The following HTR1F variants were observed in gnomAD, a reference collection of about 807,000 sequenced individuals.
The protein encoded by HTR1F is 5-hydroxytryptamine receptor 1F, also known as 5-hydroxytryptamine (serotonin) receptor 1F, G protein-coupled.
Under a neutral mutation model 24.0 loss-of-function variants are expected in HTR1F, and 17 were observed. The observed-to-expected ratio is 0.71, with a 90% confidence interval of 0.48 to 1.06. HTR1F has a LOEUF of 1.06. Among genes scored for constraint, HTR1F ranks in the 50% least tolerant of loss-of-function variants. HTR1F has a pLI of 0.00. For missense variants in HTR1F, 391 were observed against 427.8 expected (o/e 0.91, Z 0.76); for synonymous variants, 186 against 156.8 (o/e 1.19, Z -1.39).
chr3:87,835,119 G>A (rs1704656208), intron 2 of HTR1F, among the ~76,000 whole-genome samples: 2 of 151,974 alleles, frequency 1.3e-5, no homozygotes, highest in Non-Finnish European at 2.9e-5. Flanking sequence ...ATTGATTTTC[G>A]TTCTGGACCA....
intron 2 of HTR1F, among the ~76,000 whole-genome samples, chr3:87,838,583 A>G (rs1480064735): frequency 6.6e-6 from 1 of 151,940 alleles, no homozygotes; most frequent in African/African-American, 2.4e-5. Context: ...TTTTTCCTTG[A>G]TTGCTGTGAT....
At chr3:87,801,253 G>A (rs944041312) in intron 1 of HTR1F, among the ~76,000 whole-genome samples, 10 of 152,168 alleles carry the variant, frequency 6.6e-5, no homozygotes, top group African/African-American at 2.4e-4. Flanking sequence ...TTTAGCTTCA[G>A]TCTTTCCTTT....
chr3:87,922,704 G>A (rs143474598), intron 2 of HTR1F, among the ~76,000 whole-genome samples: 5 of 151,974 alleles, frequency 3.3e-5, no homozygotes, highest in East Asian at 1.9e-4. Flanking sequence ...TTTATATATA[G>A]GGAGAGATGG....
chr3:87,900,597 G>C (rs1443061484), intron 2 of HTR1F, among the ~76,000 whole-genome samples: 1 of 152,168 alleles, frequency 6.6e-6, no homozygotes, highest in South Asian at 2.1e-4. Context: ...ACATAAGCCT[G>C]GGTGCAAGAG....
chr3:87,952,890 C>A (rs189642862), intron 2 of HTR1F, among the ~76,000 whole-genome samples: 96 of 151,558 alleles, frequency 6.3e-4, no homozygotes, highest in African/African-American at 2.2e-3. Flanking sequence ...TTCAGCCATA[C>A]AAGGACACAT....
chr3:87,901,944 A>G (rs1031859221), intron 2 of HTR1F, among the ~76,000 whole-genome samples: 23 of 152,146 alleles, frequency 1.5e-4, no homozygotes, highest in African/African-American at 5.1e-4. Context: ...TAAAGATCTG[A>G]ATAAATGCAG....
Position 87,991,664 on chromosome 3 carries a change from T to G in HTR1F, c.915T>G (p.Cys305Trp), listed in dbSNP as rs1460095162. The change falls in exon 3 of 3, where the codon TGT becomes TGG. Residue 305 changes from cysteine (C) to tryptophan (W), a missense_variant. Coordinates refer to ENST00000319595, the MANE Select transcript of HTR1F (RefSeq NM_001322209.2). ...TAATCTTGGGTGCATTTGTAATATGTTGGCTTCCTTTTTTTGTAAAAGAAT... is the reference window on the plus strand; with the variant it reads ...TAATCTTGGGTGCATTTGTAATATGGTGGCTTCCTTTTTTTGTAAAAGAAT... ...LGLILGAFVI[C>W]WLPFFVKELV... 6.2e-7 allele frequency: 1 copy of G among 1,613,506 alleles called. No homozygotes were observed.
intron 2 of HTR1F, among the ~76,000 whole-genome samples, chr3:87,897,163 C>G (rs1706216029): frequency 6.6e-6 from 1 of 150,978 alleles, no homozygotes; most frequent in Admixed American, 6.6e-5. Context: ...AATGCTGGTG[C>G]CCATCAATGA....
chr3:87,920,557 A>T (rs572284405), intron 2 of HTR1F, among the ~76,000 whole-genome samples: 42 of 152,016 alleles, frequency 2.8e-4, no homozygotes, highest in Non-Finnish European at 4.7e-4. Context: ...GTAAAACAGT[A>T]AGGTAGCTTT....
rs564394511 is a variant in HTR1F, at chr3:87,847,940, A to G, written c.-43+25816A>G. ...ACATTTTAAATGCGTTTGTTCACTG[A>G]TGACACGTTGATTCCATATCTTTGC... On this transcript the variant is annotated intron_variant, in intron 2 of 2. Transcript: ENST00000319595. Among the ~76,000 whole-genome samples the G allele has an allele frequency of 8.6e-5, 13 of 152,026 alleles. No individual in the cohort carries two copies. In the East Asian group the frequency reaches 2.5e-3, roughly 29 times the overall value.
At chr3:87,911,447 C>T (rs1395159484) in intron 2 of HTR1F, among the ~76,000 whole-genome samples, 1 of 152,076 alleles carries the variant, frequency 6.6e-6, no homozygotes, top group African/African-American at 2.4e-5. Context: ...AGACAATTAA[C>T]AGGCTCCAAA....
chr3:87,897,071 G>A (rs1706213800), intron 2 of HTR1F, among the ~76,000 whole-genome samples: 1 of 151,840 alleles, frequency 6.6e-6, no homozygotes, highest in Non-Finnish European at 1.5e-5. Context: ...TATATTCAAA[G>A]GAAATAAAAT....
chr3:87,824,586 A>C (rs952578775), intron 2 of HTR1F, among the ~76,000 whole-genome samples: 1 of 152,184 alleles, frequency 6.6e-6, no homozygotes, highest in Non-Finnish European at 1.5e-5. Flanking sequence ...GCACTCAATA[A>C]ACCTTGTGAA....
intron 2 of HTR1F, among the ~76,000 whole-genome samples, chr3:87,914,486 C>T (rs1337684785): frequency 3.9e-5 from 6 of 152,074 alleles, no homozygotes; most frequent in Admixed American, 3.9e-4. Context: ...CCCAGAAACA[C>T]ACAGTGCTGT....
intron 2 of HTR1F, among the ~76,000 whole-genome samples, chr3:87,953,300 T>G (rs1704873946): frequency 6.6e-6 from 1 of 151,528 alleles, no homozygotes; most frequent in South Asian, 2.1e-4. Context: ...TTGCAAACTA[T>G]TTATGTGACA....
At chr3:87,920,356 T>G (rs1039619546) in intron 2 of HTR1F, among the ~76,000 whole-genome samples, 1 of 151,810 alleles carries the variant, frequency 6.6e-6, no homozygotes, top group Non-Finnish European at 1.5e-5. Context: ...CTAAAGAACT[T>G]ACTCATGTAA....
chr3:87,942,571 G>A (rs760338517), intron 2 of HTR1F, among the ~76,000 whole-genome samples: 7 of 152,108 alleles, frequency 4.6e-5, no homozygotes, highest in Non-Finnish European at 8.8e-5. Flanking sequence ...CTTGACATAA[G>A]GGGCTTGGAT....
chr3:87,991,968 G>A lies in HTR1F; in HGVS notation c.*118G>A. The A allele has an allele frequency of 1.3e-6, 1 of 774,942 alleles. No individual in the cohort carries two copies. Among genetic ancestry groups the A allele is most frequent in the Non-Finnish European group, 2.0e-6 (1 of 494,530 alleles). 48.0% of individuals were successfully genotyped at this position (774,942 alleles called of 1,614,324 possible). ...GGAAATACATGAAAACTGCTAAATT[G>A]ATAAGGCTATAATTTATATTTTAAT... On this transcript the variant is annotated 3_prime_UTR_variant, in exon 3 of 3. Coordinates refer to ENST00000319595, the MANE Select transcript of HTR1F (RefSeq NM_001322209.2).
At chr3:87,979,438 C>G (rs1705493724) in intron 2 of HTR1F, among the ~76,000 whole-genome samples, 1 of 152,112 alleles carries the variant, frequency 6.6e-6, no homozygotes, top group African/African-American at 2.4e-5. Flanking sequence ...TTCTAGTTGG[C>G]CGACAGAGAC....
Sources: allele counts gnomAD v4.1 joint callset (sites outside exome capture counted in the v4.1 genomes callset), GRCh38; gene constraint gnomAD v4.1.1; transcripts MANE v1.5; gene names NCBI Gene and HGNC (gene_info 2026-07-23, HGNC 2026-07-21).